Variants in HACE1 observed in about 807,000 individuals in gnomAD.
HACE1 encodes E3 ubiquitin-protein ligase HACE1.
Under a neutral mutation model 118.4 loss-of-function variants are expected in HACE1, and 73 were observed. The observed-to-expected ratio is 0.62, with a 90% CI of 0.51 to 0.75. HACE1 has a LOEUF of 0.75. Among genes scored for constraint, HACE1 ranks in the 30% least tolerant of loss-of-function variants. The probability of loss-of-function intolerance (pLI) is 0.00; values close to 1 mark genes in which losing one functional copy is unlikely to be tolerated. For synonymous variants in HACE1, 368 were observed against 374.8 expected, an observed-to-expected ratio of 0.98 and a Z score of 0.21; for missense variants, 749 against 1,102.2, an observed-to-expected ratio of 0.68 and a Z score of 4.54.
At chr6:104,830,758 CTTTT>C (rs3035081) in intron 6 of HACE1, among the ~76,000 whole-genome samples, 1 of 132,956 alleles carries the variant, frequency 7.5e-6, no homozygotes, top group African/African-American at 2.9e-5. Context: ...AAATTACATT[CTTTT>C]TTTTTTTTTT....
At chr6:104,849,021 C>G (rs563080631) in intron 4 of HACE1, 121 bp downstream of exon 4, 1 of 688,372 alleles carries the variant, frequency 1.5e-6, no homozygotes, top group Non-Finnish European at 2.6e-6. Flanking sequence ...AAATATGCAC[C>G]ATTATTTTAG....
intron 7 of HACE1, among the ~76,000 whole-genome samples, chr6:104,809,809 G>C (rs1173894211): frequency 6.6e-6 from 1 of 151,690 alleles, no homozygotes; most frequent in Non-Finnish European, 1.5e-5. Flanking sequence ...TAGAAGTTCA[G>C]ATTCCGAACA....
intron 4 of HACE1, 66 bp downstream of exon 4, chr6:104,849,075 AC>A (rs1262188775): frequency 1.1e-6 from 1 of 883,202 alleles, no homozygotes; most frequent in Non-Finnish European, 1.9e-6. Flanking sequence ...GAATCATCAA[AC>A]GAAGGCAAAG....
intron 22 of HACE1, among the ~76,000 whole-genome samples, chr6:104,734,189 G>A (rs747822285): frequency 2.0e-5 from 3 of 150,758 alleles, no homozygotes; most frequent in African/African-American, 7.3e-5. Flanking sequence ...ATTCTTAAGG[G>A]ATAATGAAAC....
chr6:104,858,490 A>G, intron 1 of HACE1: 1 of 399,430 alleles, frequency 2.5e-6, no homozygotes, highest in South Asian at 1.8e-5. Context: ...ACTTGAGCCC[A>G]GGAGTTCAAG....
intron 22 of HACE1, among the ~76,000 whole-genome samples, chr6:104,737,430 T>C (rs1776009445): frequency 1.3e-5 from 2 of 151,876 alleles, no homozygotes; most frequent in South Asian, 4.2e-4. Flanking sequence ...GTTCATCTCA[T>C]TAGGGAGTGG....
At chr6:104,784,573 T>C in intron 12 of HACE1, 88 bp from the exon 13 acceptor site, 1 of 884,952 alleles carries the variant, frequency 1.1e-6, no homozygotes, top group African/African-American at 1.9e-5. Context: ...TGAACTGGAC[T>C]GGCTTCTAAA....
intron 1 of HACE1, among the ~76,000 whole-genome samples, chr6:104,856,500 T>C (rs1331146151): frequency 6.6e-6 from 1 of 151,994 alleles, no homozygotes; most frequent in South Asian, 2.1e-4. Context: ...AGTGGCGCGA[T>C]CTTGGCTCAC....
At chr6:104,842,036 C>T (rs1775164380) in intron 5 of HACE1, among the ~76,000 whole-genome samples, 1 of 152,090 alleles carries the variant, frequency 6.6e-6, no homozygotes, top group South Asian at 2.1e-4. Flanking sequence ...AATAACAGGA[C>T]AAAATGTTAA....
At chr6:104,784,877 A>G (rs1256355658) in intron 12 of HACE1, 108 bp downstream of exon 12, 1 of 766,346 alleles carries the variant, frequency 1.3e-6, no homozygotes, top group Non-Finnish European at 2.2e-6. Context: ...ACAAGGAGAA[A>G]ACTTTAAATC....
At chr6:104,792,403 A>G (rs966605298) in intron 10 of HACE1, among the ~76,000 whole-genome samples, 1 of 152,226 alleles carries the variant, frequency 6.6e-6, no homozygotes, top group Non-Finnish European at 1.5e-5. Flanking sequence ...CATCATGAAT[A>G]CCAATAATTA....
At chr6:104,757,399 A>G (rs567820593) in intron 19 of HACE1, among the ~76,000 whole-genome samples, 13 of 152,268 alleles carry the variant, frequency 8.5e-5, no homozygotes, top group Admixed American at 7.2e-4. Flanking sequence ...TACCCAGGCA[A>G]ATGGGGTCTG....
chr6:104,769,540 A>C (rs991758811), intron 19 of HACE1, among the ~76,000 whole-genome samples: 6 of 152,212 alleles, frequency 3.9e-5, no homozygotes, highest in African/African-American at 1.4e-4. Flanking sequence ...GATTCTAAAA[A>C]TATTTTCACT....
At position 104,791,646 on chromosome 6, in the gene HACE1, C is replaced by T. The variant is rs1178856035; in HGVS notation, c.932G>A (p.Ser311Asn). The stretch of plus-strand genomic sequence containing the variant: ...GCTCTTCATTTGAGCATCATAATTG[C>T]TAGAGAGGCTGAAAATAAAAATTAA... ...TNGHKLLSLS[S>N]NYDAQMKSLL... Residue 311 changes from serine to asparagine, a missense_variant, in exon 11 of 24, where the codon AGC becomes AAC. Around this residue, in one of 5 missense-constraint regions of HACE1, gnomAD observed 267 missense variants for 312.2 expected, o/e 0.86. Transcript: ENST00000262903. The T allele has an allele frequency of 6.2e-7, 1 of 1,602,340 alleles. No individual in the cohort carries two copies. Among genetic ancestry groups the T allele is most frequent in the South Asian group, 1.1e-5 (1 of 90,694 alleles).
In HACE1 at chr6:104,801,072, A is replaced by G. The variant is rs143999881; in HGVS notation, c.618-4047T>C. ...GGCTAGAGAACTTCATAATGCATGC[A>G]CAAGCTTCAATAGCCGATTCGATCA... On this transcript the variant is annotated intron_variant, in intron 7 of 23. Transcript: ENST00000262903. 5.9e-4 allele frequency among the ~76,000 whole-genome samples: 90 copies of G among 152,300 alleles called. 1 individual carries two copies. In the East Asian group the frequency reaches 0.017, roughly 28 times the overall value.
chr6:104,769,939 G>T (rs1490695788), intron 19 of HACE1, among the ~76,000 whole-genome samples: 2 of 151,970 alleles, frequency 1.3e-5, no homozygotes, highest in African/African-American at 4.8e-5. Context: ...CTGAAACTAA[G>T]AACCTATTTT....
intron 2 of HACE1, 87 bp downstream of exon 2, chr6:104,852,230 C>CAT (rs1776301216): frequency 5.7e-6 from 4 of 697,518 alleles, no homozygotes; most frequent in African/African-American, 2.0e-5. Context: ...TGTGTGTGTG[C>CAT]GCGCGTGCGC....
Position 104,795,626 on chromosome 6 carries a change from T to C in HACE1, c.876A>G (p.Leu292=), listed in dbSNP as rs1292232175. The C allele has an allele frequency of 1.9e-6, 3 of 1,613,334 alleles. No individual in the cohort carries two copies. The highest frequency in any genetic ancestry group is 4.5e-5 in the East Asian group (2 of 44,816). The change falls in exon 10 of 24, where the codon CTA becomes CTG. Residue 292 remains leucine, a synonymous_variant. Coordinates refer to ENST00000262903, the MANE Select transcript of HACE1 (RefSeq NM_020771.4). The part of the protein sequence containing the change: ...QQSESQYLKI[L]TSLAEVATTN... ...TTGTAGCAACTTCAGCAAGGCTTGT[T>C]AGAATCTTTAGGTACTGGCTTTCAC...
At chr6:104,764,121 C>A (rs1010473335) in intron 19 of HACE1, among the ~76,000 whole-genome samples, 1 of 152,148 alleles carries the variant, frequency 6.6e-6, no homozygotes, top group African/African-American at 2.4e-5. Context: ...GTTGCTCAGG[C>A]TGGAGTGCAG....
Sources: gnomAD v4.1 joint callset for allele counts (sites outside exome capture counted in the v4.1 genomes callset) on GRCh38, gnomAD v4.1.1 for gene constraint, gnomAD v4.1.1 regional missense constraint, MANE v1.5 for transcripts, NCBI Gene and HGNC (gene_info 2026-07-23, HGNC 2026-07-21) for gene names.